SF3B3: variants seen among roughly 807,000 people sequenced by gnomAD.
The protein encoded by SF3B3 is SAP 130.
SF3B3 carries 33 observed loss-of-function variants against 139.2 expected under a neutral mutation model. The observed-to-expected ratio is 0.24, with a 90% confidence interval of 0.18 to 0.32. The LOEUF is 0.32. Among genes scored for constraint, SF3B3 ranks in the 10% least tolerant of loss-of-function variants. The pLI is 1.00. For missense variants in SF3B3, 818 were observed against 1,509.4 expected (o/e 0.54, Z 7.59); for synonymous variants, 596 against 563.6 (o/e 1.06, Z -0.81).
In SF3B3 at chr16:70,560,481, C is replaced by T. The variant is rs774394227; in HGVS notation, c.2023C>T (p.Leu675=). ...TCCTTTTGATTAGAACGGTGTGCTG[C>T]TGAGGACTGTCTTGGACCCTGTCAC... ...LNIGLQNGVL[L]RTVLDPVTGD... Residue 675 remains leucine (L), a synonymous_variant, in exon 16 of 26, where the codon CTG becomes TTG. Coordinates refer to ENST00000302516, the MANE Select transcript of SF3B3 (RefSeq NM_012426.5). The T allele has an allele frequency of 1.2e-6, 2 of 1,613,732 alleles. No homozygotes were observed. Among genetic ancestry groups the T allele is most frequent in the Admixed American group, 3.3e-5 (2 of 60,010 alleles).
chr16:70,526,916 T>C (rs8057327), intron 2 of SF3B3, 190 bp downstream of exon 2: 25,459 of 597,902 alleles, frequency 0.043, 4,699 homozygotes, highest in African/African-American at 0.41. Context: ...CATTTCCTAG[T>C]TCACAAATTG....
intron 11 of SF3B3, among the ~76,000 whole-genome samples, chr16:70,552,317 A>G (rs1026135999): frequency 1.1e-4 from 16 of 152,196 alleles, no homozygotes; most frequent in Non-Finnish European, 2.9e-5. Context: ...ATGATACTGT[A>G]TTCATATAAT....
chr16:70,540,101 A>G (rs1288677716), intron 8 of SF3B3, among the ~76,000 whole-genome samples: 2 of 147,984 alleles, frequency 1.4e-5, no homozygotes, highest in Admixed American at 1.3e-4. Flanking sequence ...ATAAGTATTT[A>G]TTTGATGAAA....
chr16:70,524,118 A>C (rs537359636), intron 1 of SF3B3, 190 bp downstream of exon 1: 1 of 376,794 alleles, frequency 2.7e-6, no homozygotes, highest in African/African-American at 2.1e-5. Flanking sequence ...TTCCATCCAC[A>C]GTGTGGGAAC....
chr16:70,524,096 G>A (rs369381177), intron 1 of SF3B3, 168 bp downstream of exon 1: 1 of 388,550 alleles, frequency 2.6e-6, no homozygotes, highest in South Asian at 1.3e-4. Flanking sequence ...GCTTCCTGCA[G>A]TTATCTCTCG....
At chr16:70,539,724 A>G (rs998992472) in intron 8 of SF3B3, among the ~76,000 whole-genome samples, 13 of 151,920 alleles carry the variant, frequency 8.6e-5, no homozygotes, top group African/African-American at 3.1e-4. Flanking sequence ...CTCCAGAACT[A>G]TCTTTAGATT....
At position 70,554,918 on chromosome 16, in the gene SF3B3, C is replaced by G. The variant is rs557699060; in HGVS notation, c.1555-133C>G. The G allele has an allele frequency of 6.9e-5, 58 of 838,310 alleles. 1 individual carries two copies. In the Middle Eastern group the frequency reaches 1.5e-3, roughly 22 times the overall value. 51.9% of individuals were successfully genotyped at this position (838,310 alleles called of 1,614,324 possible). A position where few individuals can be genotyped will look rare whatever the true frequency, so the allele number is the denominator to read the frequency against. On this transcript the variant is annotated intron_variant, in intron 12 of 25. Transcript: ENST00000302516. ...GCCTGAGGCCTACTAACTCTTTTGTCTTTGATTCAACTGGTGCCTCAAATG... is the reference window on the plus strand; with the variant it reads ...GCCTGAGGCCTACTAACTCTTTTGTGTTTGATTCAACTGGTGCCTCAAATG...
intron 15 of SF3B3, among the ~76,000 whole-genome samples, chr16:70,559,376 G>A (rs924076787): frequency 5.9e-5 from 9 of 152,062 alleles, no homozygotes; most frequent in Admixed American, 5.2e-4. Flanking sequence ...CAGTAAAGTG[G>A]GTTTTTTGCT....
chr16:70,542,683 A>C (rs2050230436), intron 9 of SF3B3, among the ~76,000 whole-genome samples: 2 of 152,156 alleles, frequency 1.3e-5, no homozygotes, highest in African/African-American at 4.8e-5. Flanking sequence ...TCTTGAGGGC[A>C]ACAGAAAATA....
Position 70,551,332 on chromosome 16 carries a change from T to G in SF3B3, c.1402+2890T>G, listed in dbSNP as rs184533182. On this transcript the variant is annotated intron_variant, in intron 11 of 25. Transcript: ENST00000302516. ...TTTTTTAACATGAGACTTGAATTCC[T>G]TAGAATGCAGTGTGGATGGTACAGT... Among the ~76,000 whole-genome samples, 318 of 152,338 alleles carry G rather than the reference T, an allele frequency of 2.1e-3. 2 individuals carry two copies. Among genetic ancestry groups the G allele is most frequent in the Admixed American group, 3.9e-3 (59 of 15,302 alleles).
At position 70,573,089 on chromosome 16, in the gene SF3B3, C is replaced by T. The variant is rs1203337970; in HGVS notation, c.*1276C>T. The T allele has an allele frequency of 2.0e-5, 3 of 152,188 alleles. No individual in the cohort carries two copies. In the South Asian group the frequency reaches 6.2e-4, roughly 32 times the overall value. 9.4% of individuals were successfully genotyped at this position (152,188 alleles called of 1,614,324 possible). A position where few individuals can be genotyped will look rare whatever the true frequency, so the allele number is the denominator to read the frequency against. On this transcript the variant is annotated 3_prime_UTR_variant, in exon 26 of 26. Transcript: ENST00000302516. ...CTCTCAGAGCCCAGAACAGAGGGTT[C>T]CTGACACTGTGACACTGTCTCCTGG...
intron 2 of SF3B3, among the ~76,000 whole-genome samples, chr16:70,527,920 C>T (rs1322184837): frequency 6.6e-6 from 1 of 151,866 alleles, no homozygotes; most frequent in Admixed American, 6.6e-5. Context: ...GGATTACATG[C>T]GTGCACCACC....
intron 13 of SF3B3, among the ~76,000 whole-genome samples, chr16:70,555,911 A>G (rs191979759): frequency 6.6e-6 from 1 of 152,316 alleles, no homozygotes; most frequent in East Asian, 1.9e-4. Flanking sequence ...GGCTCAGAAA[A>G]TTTGTGGCAC....
intron 22 of SF3B3, 144 bp from the exon 23 acceptor site, chr16:70,568,899 C>T: frequency 1.7e-6 from 1 of 589,474 alleles, no homozygotes; most frequent in Non-Finnish European, 3.0e-6. Flanking sequence ...CCCACCAGAG[C>T]AGGTGCAGGA....
chr16:70,538,575 C>A, intron 7 of SF3B3, 115 bp downstream of exon 7: 2 of 853,526 alleles, frequency 2.3e-6, no homozygotes, highest in Admixed American at 2.5e-5. Context: ...CCCTTGGAAC[C>A]GGTATATGAG....
At chr16:70,531,051 G>A (rs1386737785) in intron 4 of SF3B3, 134 bp downstream of exon 4, 1 of 726,360 alleles carries the variant, frequency 1.4e-6, no homozygotes, top group African/African-American at 1.8e-5. Flanking sequence ...CGGATCATGA[G>A]GTCAGGAGAT....
chr16:70,545,346 C>T (rs1283481634), intron 10 of SF3B3, among the ~76,000 whole-genome samples: 4 of 152,324 alleles, frequency 2.6e-5, no homozygotes, highest in South Asian at 2.1e-4. Flanking sequence ...GGATCACAGC[C>T]GTGAGCCACC....
At chr16:70,564,367 A>T (rs1195430636) in intron 18 of SF3B3, among the ~76,000 whole-genome samples, 1 of 152,216 alleles carries the variant, frequency 6.6e-6, no homozygotes, top group East Asian at 1.9e-4. Flanking sequence ...ACGAGACTCT[A>T]TCAAAAGTTT....
chr16:70,567,487 G>A lies in SF3B3; in HGVS notation c.2903G>A (p.Arg968His), dbSNP rs1193876318. The A allele has an allele frequency of 1.9e-6, 3 of 1,614,018 alleles. No individual in the cohort carries two copies. Among genetic ancestry groups the A allele is most frequent in the Non-Finnish European group, 1.7e-6 (2 of 1,179,982 alleles). Residue 968 changes from arginine (R) to histidine (H), a missense_variant, in exon 21 of 26, where the codon CGT (arginine) becomes CAT (histidine). Around this residue, in one of 14 missense-constraint regions of SF3B3, gnomAD observed 145 missense variants for 153.6 expected, o/e 0.94. Transcript: ENST00000302516. ...RVLIGVGKLL[R>H]VYDLGKKKLL... ...TTGATTGGTGTGGGGAAGCTGTTGC[G>A]TGTCTATGACCTGGGAAAGAAGAAG...
Sources: allele counts gnomAD v4.1 joint callset (sites outside exome capture counted in the v4.1 genomes callset), GRCh38; gene constraint gnomAD v4.1.1; regional missense constraint gnomAD v4.1.1; transcripts MANE v1.5; gene names NCBI Gene and HGNC (gene_info 2026-07-23, HGNC 2026-07-21).